The following NRG4 variants were observed in gnomAD, a reference collection of about 807,000 sequenced individuals.
NRG4 encodes the protein pro-neuregulin-4, membrane-bound isoform.
A neutral mutation model predicts 15.0 loss-of-function variants in NRG4; 10 were observed. The ratio of observed to expected loss-of-function variants is 0.67; its 90% CI spans 0.41 to 1.13. NRG4 has a LOEUF of 1.13. NRG4 is among the 50% of genes most tolerant of loss of function. The pLI is 0.00. For synonymous variants in NRG4, 41 were observed against 50.1 expected, an observed-to-expected ratio of 0.82 and a Z score of 0.77; for missense variants, 139 against 140.2, an observed-to-expected ratio of 0.99 and a Z score of 0.04.
chr15:76,060,034 C>G (rs1224836518), upstream of NRG4: 1 of 149,600 alleles, frequency 6.7e-6, no homozygotes. Flanking sequence ...TCCTCGCAGC[C>G]GGCCGCGGCC....
chr15:76,022,895 A>G (rs976488791), intron 5 of NRG4, among the ~76,000 whole-genome samples: 11 of 152,176 alleles, frequency 7.2e-5, no homozygotes, highest in African/African-American at 2.7e-4. Context: ...GGCTGTTTTA[A>G]TAATAGTGAA....
downstream of NRG4, chr15:75,940,662 C>T (rs2030855927): frequency 6.6e-6 from 1 of 152,060 alleles, no homozygotes; most frequent in Non-Finnish European, 1.5e-5. Context: ...ATGGGATAGA[C>T]TGGAGAACCT....
chr15:75,988,563 G>C (rs906491554), intron 3 of NRG4, among the ~76,000 whole-genome samples: 2 of 152,192 alleles, frequency 1.3e-5, no homozygotes, highest in African/African-American at 4.8e-5. Flanking sequence ...TGCTTAGAAT[G>C]TGAAATATCC....
intron 5 of NRG4, among the ~76,000 whole-genome samples, chr15:75,955,583 G>T (rs1285115598): frequency 6.6e-6 from 1 of 152,058 alleles, no homozygotes; most frequent in Non-Finnish European, 1.5e-5. Context: ...CCAAAGATTT[G>T]CTGATCTTTA....
intron 4 of NRG4, chr15:75,959,182 CT>C: frequency 2.8e-6 from 1 of 362,824 alleles, no homozygotes; most frequent in Non-Finnish European, 5.5e-6. Flanking sequence ...CAGACGGGGT[CT>C]TGCTATGTTG....
At chr15:76,028,239 A>G (rs966307891) in intron 5 of NRG4, among the ~76,000 whole-genome samples, 1 of 151,960 alleles carries the variant, frequency 6.6e-6, no homozygotes, top group Admixed American at 6.6e-5. Context: ...TTGAAAAGAT[A>G]AACAAAATTG....
intron 4 of NRG4, among the ~76,000 whole-genome samples, chr15:76,040,738 A>T (rs1015253325): frequency 6.6e-6 from 1 of 152,206 alleles, no homozygotes; most frequent in Admixed American, 6.5e-5. Context: ...CAGCCTGGCC[A>T]ACATGGTGAA....
intron 3 of NRG4, among the ~76,000 whole-genome samples, chr15:75,972,714 T>A (rs1463650061): frequency 6.6e-6 from 1 of 152,206 alleles, no homozygotes; most frequent in Non-Finnish European, 1.5e-5. Context: ...GCCTCTGTTC[T>A]GTTCCATTGG....
Position 75,961,924 on chromosome 15 carries a change from C to A in NRG4, c.155G>T (p.Gly52Val). The stretch of plus-strand genomic sequence containing the variant: ...GTTACTTTTAGTTTGGATGCTGGAG[C>A]CTGGGAGAAAAACCTCTTCACAACG... ...GARCEEVFLP[G>V]SSIQTKSNLF... Residue 52 changes from glycine to valine, a missense_variant, in exon 4 of 6, where the codon GGC (glycine) becomes GTC (valine). Gly to Val is a moderately radical substitution (Grantham distance 109, BLOSUM62 -3). Transcript: ENST00000394907. The A allele has an allele frequency of 6.2e-7, 1 of 1,613,488 alleles. No homozygotes were observed. The highest frequency in any genetic ancestry group is 8.5e-7 in the Non-Finnish European group (1 of 1,179,498).
chr15:75,981,453 G>C (rs1281918803), intron 3 of NRG4, among the ~76,000 whole-genome samples: 3 of 152,032 alleles, frequency 2.0e-5, no homozygotes, highest in Non-Finnish European at 4.4e-5. Flanking sequence ...CTGAGTTTTG[G>C]GGTAGTATGT....
intron 4 of NRG4, among the ~76,000 whole-genome samples, chr15:76,043,801 T>C (rs1483207178): frequency 6.6e-6 from 1 of 152,166 alleles, no homozygotes; most frequent in Admixed American, 6.5e-5. Context: ...AAAACTTATA[T>C]GGAACCAGAA....
At chr15:75,969,864 A>G (rs2033013856) in intron 3 of NRG4, among the ~76,000 whole-genome samples, 1 of 152,234 alleles carries the variant, frequency 6.6e-6, no homozygotes, top group African/African-American at 2.4e-5. Context: ...TGCATTTTAA[A>G]CTGTTCTTTT....
Position 76,020,317 on chromosome 15 carries a change from C to G in NRG4, c.-56-9031G>C, listed in dbSNP as rs576825100. 2.6e-5 allele frequency among the ~76,000 whole-genome samples: 4 copies of G among 152,198 alleles called. No homozygotes were observed. In the South Asian group the frequency reaches 8.3e-4, roughly 32 times the overall value. On this transcript the variant is annotated intron_variant, in intron 5 of 8. Coordinates refer to the NRG4 transcript ENST00000563910. Reference sequence around the variant, plus strand: ...CATCTTTCTCACTTTAAAGCAAAAGCTAAAATGATTAAGTTTAGTGAGGAA... The same window carrying G: ...CATCTTTCTCACTTTAAAGCAAAAGGTAAAATGATTAAGTTTAGTGAGGAA...
chr15:75,960,258 C>A (rs1595956808), intron 4 of NRG4, among the ~76,000 whole-genome samples: 1 of 152,288 alleles, frequency 6.6e-6, no homozygotes, highest in East Asian at 1.9e-4. Flanking sequence ...ATTAGACTGA[C>A]AGAATGTTTA....
chr15:76,056,223 A>G (rs553298195), intron 2 of NRG4, among the ~76,000 whole-genome samples: 1 of 152,132 alleles, frequency 6.6e-6, no homozygotes, highest in Non-Finnish European at 1.5e-5. Context: ...CGAGGCAGGC[A>G]GATCACCTCA....
intron 4 of NRG4, among the ~76,000 whole-genome samples, chr15:76,040,905 ACAAAGTGAGACTCTGTCT>A (rs1474938035): frequency 2.6e-5 from 4 of 152,238 alleles, no homozygotes; most frequent in African/African-American, 9.6e-5. Flanking sequence ...AGCCTGGGTG[ACAAAGTGAGACTCTGTCT>A]CAAATAATAA....
upstream of NRG4, among the ~76,000 whole-genome samples, chr15:76,017,154 CCTTTT>C (rs1199286603): frequency 2.3e-3 from 152 of 65,896 alleles, 1 homozygote; most frequent in African/African-American, 7.8e-3. Flanking sequence ...GCAACCCCTG[CCTTTT>C]TTTTTTTTTT....
intron 5 of NRG4, among the ~76,000 whole-genome samples, chr15:76,018,596 G>T (rs563247680): frequency 6.6e-6 from 1 of 152,160 alleles, no homozygotes; most frequent in Non-Finnish European, 1.5e-5. Context: ...TCTGCTGCAG[G>T]TCTGCTGGAG....
chr15:76,016,120 T>C (rs931327895), upstream of NRG4, among the ~76,000 whole-genome samples: 2 of 152,248 alleles, frequency 1.3e-5, no homozygotes, highest in African/African-American at 2.4e-5. Context: ...CTAGATTTTC[T>C]AGTTTATTTG....
Sources: allele counts gnomAD v4.1 joint callset (sites outside exome capture counted in the v4.1 genomes callset), GRCh38; gene constraint gnomAD v4.1.1; transcripts MANE v1.5; gene names NCBI Gene and HGNC (gene_info 2026-07-23, HGNC 2026-07-21).